The following TDRD1 variants were observed in gnomAD, a reference collection of about 807,000 sequenced individuals.
TDRD1 encodes tudor domain-containing protein 1.
Under a neutral mutation model 140.6 loss-of-function variants are expected in TDRD1, and 37 were observed. That is an observed-to-expected ratio of 0.26 (90% CI 0.20 to 0.35). TDRD1 has a LOEUF of 0.35. TDRD1 is among the 10% of genes least tolerant of loss of function. The probability of loss-of-function intolerance (pLI) is 1.00; values close to 1 mark genes in which losing one functional copy is unlikely to be tolerated. For synonymous variants in TDRD1, 506 were observed against 475.7 expected, an observed-to-expected ratio of 1.06 and a Z score of -0.83; for missense variants, 1,243 against 1,393.0, an observed-to-expected ratio of 0.89 and a Z score of 1.71.
exon 9 of TDRD1, chr10:114,204,201 C>T (rs1020027128): frequency 1.3e-6 from 2 of 1,589,178 alleles, no homozygotes; most frequent in African/African-American, 2.7e-5. Flanking sequence ...GGAACATTGA[C>T]TTGTTTCCTC....
intron 5 of TDRD1, 40 bp downstream of exon 5, chr10:114,201,555 A>G: frequency 1.3e-6 from 2 of 1,554,210 alleles, no homozygotes; most frequent in Non-Finnish European, 1.8e-6. Flanking sequence ...AGGATTATGT[A>G]AAAGGTTCTG....
At chr10:114,181,117 T>C (rs1197123861) in intron 1 of TDRD1, among the ~76,000 whole-genome samples, 1 of 152,178 alleles carries the variant, frequency 6.6e-6, no homozygotes, top group Non-Finnish European at 1.5e-5. Flanking sequence ...TGTAGAACTA[T>C]AGAAATGAGT....
At chr10:114,208,220 C>G (rs1429673848) in intron 11 of TDRD1, among the ~76,000 whole-genome samples, 1 of 152,036 alleles carries the variant, frequency 6.6e-6, no homozygotes, top group African/African-American at 2.4e-5. Flanking sequence ...CATTAAAGGT[C>G]GCAGGAGCTG....
At chr10:114,210,599 G>A in exon 12 of TDRD1, 1 of 1,593,560 alleles carries the variant, frequency 6.3e-7, no homozygotes, top group East Asian at 2.3e-5. Context: ...GAAGATGTTG[G>A]AAAAATGACA....
At position 114,181,799 on chromosome 10, in the gene TDRD1, T is replaced by A. The variant is rs569435467; in HGVS notation, c.-7+2383T>A. ...TGCAGAGGTTGCAGTGAGCCGGAGA[T>A]CATGCCGCTGCACTCCATTCTGGGC... On this transcript the variant is annotated intron_variant, in intron 1 of 25. Transcript: ENST00000251864. Among the ~76,000 whole-genome samples the A allele has an allele frequency of 2.7e-5, 4 of 148,900 alleles. No individual in the cohort carries two copies. The South Asian group carries it at 8.5e-4, about 32-fold the overall frequency.
chr10:114,190,159 C>T (rs554210173), intron 2 of TDRD1, among the ~76,000 whole-genome samples: 11 of 152,270 alleles, frequency 7.2e-5, no homozygotes, highest in African/African-American at 2.4e-4. Context: ...TATATGAATC[C>T]AGCTGTCTTC....
chr10:114,180,451 G>T (rs989723318), intron 1 of TDRD1, among the ~76,000 whole-genome samples: 1 of 152,186 alleles, frequency 6.6e-6, no homozygotes, highest in African/African-American at 2.4e-5. Flanking sequence ...CGTTTTGTCT[G>T]TTTAAAACCG....
chr10:114,230,881 A>G (rs1447426470), intron 25 of TDRD1, among the ~76,000 whole-genome samples: 2 of 152,128 alleles, frequency 1.3e-5, no homozygotes, highest in African/African-American at 4.8e-5. Context: ...CCTGGCCAAC[A>G]TGGTGAAACT....
chr10:114,222,510 AC>A, intron 20 of TDRD1, 76 bp from the exon 21 acceptor site: 1 of 716,688 alleles, frequency 1.4e-6, no homozygotes, highest in South Asian at 2.1e-5. Context: ...GATTGATTAG[AC>A]TTGCCATTCT....
intron 2 of TDRD1, among the ~76,000 whole-genome samples, chr10:114,189,058 A>C (rs574085215): frequency 6.6e-6 from 1 of 152,148 alleles, no homozygotes; most frequent in Admixed American, 6.5e-5. Context: ...CTTTTCTGCT[A>C]TGCCAACTTT....
intron 23 of TDRD1, 119 bp from the exon 24 acceptor site, chr10:114,227,791 G>T (rs11196660): frequency 1.6e-5 from 12 of 743,740 alleles, no homozygotes; most frequent in African/African-American, 5.2e-5. Context: ...GATCCATCCA[G>T]GTCTTTGTAG....
At chr10:114,223,574 C>T (rs1055756966) in intron 21 of TDRD1, among the ~76,000 whole-genome samples, 8 of 152,304 alleles carry the variant, frequency 5.3e-5, no homozygotes, top group African/African-American at 1.9e-4. Context: ...ATATTGCACA[C>T]TAGTTTTGTT....
chr10:114,210,770 G>T lies in TDRD1; in HGVS notation c.1552+22G>T. The T allele has an allele frequency of 1.9e-6, 3 of 1,609,682 alleles. No individual in the cohort carries two copies. Among genetic ancestry groups the T allele is most frequent in the Non-Finnish European group, 1.7e-6 (2 of 1,176,492 alleles). On this transcript the variant is annotated intron_variant, in intron 12 of 25. Transcript: ENST00000251864. ...GGCCGTAAGTCAGCTTTCTTGATTT[G>T]CTCTATGAAGCTAAAATACTTCAAG...
intron 20 of TDRD1, 36 bp from the exon 21 acceptor site, chr10:114,222,551 A>G (rs1404896996): frequency 7.2e-7 from 1 of 1,383,304 alleles, no homozygotes; most frequent in Non-Finnish European, 1.0e-6. Context: ...AGCACTGGAA[A>G]TTTTCTTCAC....
intron 1 of TDRD1, among the ~76,000 whole-genome samples, chr10:114,185,362 G>T (rs866811447): frequency 6.6e-5 from 10 of 151,634 alleles, no homozygotes; most frequent in Middle Eastern, 3.5e-3. Flanking sequence ...GCTAATTTTT[G>T]TATTTTTAAT....
upstream of TDRD1, among the ~76,000 whole-genome samples, chr10:114,178,134 C>G (rs781110381): frequency 6.6e-6 from 1 of 152,118 alleles, no homozygotes; most frequent in African/African-American, 2.4e-5. Context: ...TGAGCCCCCA[C>G]GCCCAGTCAG....
At chr10:114,231,513 T>C (rs1589726146) in exon 26 of TDRD1, 1 of 1,598,318 alleles carries the variant, frequency 6.3e-7, no homozygotes, top group African/African-American at 1.4e-5. Context: ...GGTAAACCCT[T>C]ATGAGACAGG....
chr10:114,220,443 A>C lies in TDRD1; in HGVS notation c.2495-125A>C. On this transcript the variant is annotated intron_variant, in intron 18 of 25. Transcript: ENST00000251864. ...ATGCAGGATGTAGGTGTATAATTGA[A>C]TATTGAAGATACTGAGAATTGCTGA... The C allele has an allele frequency of 1.5e-5, 10 of 647,508 alleles. No individual in the cohort carries two copies. In the South Asian group the frequency reaches 1.9e-4, roughly 12 times the overall value. 40.1% of individuals were successfully genotyped at this position (647,508 alleles called of 1,614,324 possible). A position where few individuals can be genotyped will look rare whatever the true frequency, so the allele number is the denominator to read the frequency against.
chr10:114,210,117 C>G (rs182693401), intron 11 of TDRD1, among the ~76,000 whole-genome samples: 25 of 152,164 alleles, frequency 1.6e-4, no homozygotes, highest in Non-Finnish European at 3.5e-4. Flanking sequence ...TTGCTTGTAT[C>G]TTTTTTGAAC....
Sources: allele counts gnomAD v4.1 joint callset (sites outside exome capture counted in the v4.1 genomes callset), GRCh38; gene constraint gnomAD v4.1.1; transcripts MANE v1.5; gene names NCBI Gene and HGNC (gene_info 2026-07-23, HGNC 2026-07-21).